Variants in RBFOX1 observed in about 807,000 individuals in gnomAD.
RBFOX1 encodes the protein RNA binding fox-1 homolog 1.
A neutral mutation model predicts 57.7 loss-of-function variants in RBFOX1; 8 were observed. That is an observed-to-expected ratio of 0.14 (90% CI 0.08 to 0.25). RBFOX1 has a LOEUF of 0.25. Ranked by LOEUF, RBFOX1 falls within the 10% of genes least tolerant of loss-of-function variation. The pLI is 1.00. For missense variants in RBFOX1, 611 were observed against 548.5 expected, an observed-to-expected ratio of 1.11 and a Z score of -1.14; for synonymous variants, 326 against 222.4, an observed-to-expected ratio of 1.47 and a Z score of -4.15.
At chr16:6,357,561 T>TGCATGCTCTCTCTCTC (rs906721461) in intron 2 of RBFOX1, among the ~76,000 whole-genome samples, 1 of 150,848 alleles carries the variant, frequency 6.6e-6, no homozygotes. Context: ...CTCTCTCTCT[T>TGCATGCTCTCTCTCTC]GCTTGCTCTC....
intron 4 of RBFOX1, among the ~76,000 whole-genome samples, chr16:5,909,132 A>G (rs2058551153): frequency 1.7e-5 from 2 of 118,806 alleles, no homozygotes; most frequent in African/African-American, 3.3e-5. Context: ...TTGCTGTGTC[A>G]CCTAGGCTGG....
At chr16:7,245,380 G>A (rs1322224351) in intron 4 of RBFOX1, among the ~76,000 whole-genome samples, 2 of 151,984 alleles carry the variant, frequency 1.3e-5, no homozygotes, top group African/African-American at 4.8e-5. Flanking sequence ...TCATTGCATA[G>A]GTAAACATGT....
chr16:7,100,487 CAT>C (rs566092844), intron 4 of RBFOX1, among the ~76,000 whole-genome samples: 50 of 151,394 alleles, frequency 3.3e-4, no homozygotes, highest in African/African-American at 1.1e-3. Flanking sequence ...ATACTATAAA[CAT>C]ATTTTCATAC....
chr16:5,916,275 C>G (rs529703723), intron 4 of RBFOX1, among the ~76,000 whole-genome samples: 4 of 152,272 alleles, frequency 2.6e-5, no homozygotes, highest in African/African-American at 9.6e-5. Context: ...AGCTCTAATT[C>G]TCGGATTATT....
At chr16:6,130,030 C>G (rs1003422946) in intron 1 of RBFOX1, among the ~76,000 whole-genome samples, 1 of 151,980 alleles carries the variant, frequency 6.6e-6, no homozygotes, top group African/African-American at 2.4e-5. Flanking sequence ...ATGCAAGGGA[C>G]ATGATCAAAT....
intron 3 of RBFOX1, among the ~76,000 whole-genome samples, chr16:6,890,924 G>T (rs1408833175): frequency 1.3e-5 from 2 of 152,206 alleles, no homozygotes; most frequent in Non-Finnish European, 2.9e-5. Flanking sequence ...AACTTGAACA[G>T]ACTCTTGCTT....
intron 5 of RBFOX1, among the ~76,000 whole-genome samples, chr16:7,569,845 T>C (rs1158157152): frequency 8.0e-6 from 1 of 125,642 alleles, no homozygotes. Context: ...GGAATGGGAG[T>C]GAGCGCCTCT....
chr16:6,853,567 G>A (rs865865090), intron 3 of RBFOX1, among the ~76,000 whole-genome samples: 9 of 152,076 alleles, frequency 5.9e-5, no homozygotes, highest in African/African-American at 2.2e-4. Context: ...AGTGATTGAG[G>A]GAGGTTAGCA....
At chr16:6,640,741 CCTT>C (rs1048699040) in intron 2 of RBFOX1, among the ~76,000 whole-genome samples, 67 of 152,256 alleles carry the variant, frequency 4.4e-4, no homozygotes, top group African/African-American at 1.3e-3. Flanking sequence ...TAAAAAAACT[CCTT>C]CTGAAGGATA....
chr16:6,535,206 T>C (rs896645919), intron 2 of RBFOX1, among the ~76,000 whole-genome samples: 1 of 152,074 alleles, frequency 6.6e-6, no homozygotes, highest in African/African-American at 2.4e-5. Context: ...CCTGGGAAAA[T>C]CCTCTGTTCT....
rs138830101 is a variant in RBFOX1, at chr16:6,934,120, C to T, written c.-15-117937C>T. 2.0e-5 allele frequency among the ~76,000 whole-genome samples: 3 copies of T among 152,236 alleles called. No homozygotes were observed. The East Asian group carries it at 5.8e-4, about 29-fold the overall frequency. Reference sequence around the variant, plus strand: ...TAGTTGGCAATGCTCCTCTGCCACCCATAGTGAGACAGGGAACTTCCTGGG... The same window carrying T: ...TAGTTGGCAATGCTCCTCTGCCACCTATAGTGAGACAGGGAACTTCCTGGG... On this transcript the variant is annotated intron_variant, in intron 3 of 15. Coordinates refer to ENST00000550418, the MANE Select transcript of RBFOX1 (RefSeq NM_018723.4).
intron 2 of RBFOX1, among the ~76,000 whole-genome samples, chr16:6,592,408 A>G (rs2097723863): frequency 6.6e-6 from 1 of 152,230 alleles, no homozygotes; most frequent in African/African-American, 2.4e-5. Flanking sequence ...TTTGTTTCAT[A>G]ATACAGGAAC....
intron 3 of RBFOX1, among the ~76,000 whole-genome samples, chr16:6,975,610 G>A (rs994675750): frequency 1.3e-5 from 2 of 152,168 alleles, no homozygotes; most frequent in East Asian, 1.9e-4. Flanking sequence ...AAATTGATCA[G>A]GTGTGTTTTT....
intron 10 of RBFOX1, among the ~76,000 whole-genome samples, chr16:7,628,676 G>A (rs937864664): frequency 2.2e-4 from 33 of 152,038 alleles, no homozygotes; most frequent in African/African-American, 8.0e-4. Context: ...GTAATGGCGT[G>A]ATCTCGGCTT....
chr16:5,747,839 T>G (rs978539591), intron 3 of RBFOX1, among the ~76,000 whole-genome samples: 11 of 152,194 alleles, frequency 7.2e-5, no homozygotes, highest in African/African-American at 2.2e-4. Context: ...CTGGATTCCT[T>G]GATTTTTTGA....
At chr16:7,707,549 T>C (rs1026884452) in intron 14 of RBFOX1, among the ~76,000 whole-genome samples, 1 of 152,124 alleles carries the variant, frequency 6.6e-6, no homozygotes, top group Non-Finnish European at 1.5e-5. Flanking sequence ...ACGATGTCGA[T>C]CCCAGTGAGT....
chr16:6,914,995 G>C (rs1260875668), intron 3 of RBFOX1, among the ~76,000 whole-genome samples: 1 of 152,228 alleles, frequency 6.6e-6, no homozygotes, highest in East Asian at 1.9e-4. Context: ...ACTATTGCCA[G>C]GCAGCAAGCA....
At chr16:6,098,649 C>G (rs1460904791) in intron 1 of RBFOX1, among the ~76,000 whole-genome samples, 6 of 152,224 alleles carry the variant, frequency 3.9e-5, no homozygotes, top group Non-Finnish European at 7.3e-5. Flanking sequence ...CTCTGCATGC[C>G]TTCAGAGTTT....
chr16:5,548,573 G>T (rs925864049), intron 2 of RBFOX1, among the ~76,000 whole-genome samples: 2 of 151,910 alleles, frequency 1.3e-5, no homozygotes, highest in Non-Finnish European at 2.9e-5. Flanking sequence ...TCCATGATGT[G>T]TTTATTTCAC....
Sources: gnomAD v4.1 joint callset for allele counts (sites outside exome capture counted in the v4.1 genomes callset) on GRCh38, gnomAD v4.1.1 for gene constraint, MANE v1.5 for transcripts, NCBI Gene and HGNC (gene_info 2026-07-23, HGNC 2026-07-21) for gene names.